The following BCAT1 variants were observed in gnomAD, a reference collection of about 807,000 sequenced individuals.
BCAT1 encodes branched-chain-amino-acid aminotransferase, cytosolic.
BCAT1 carries 48 observed loss-of-function variants against 52.4 expected under a neutral mutation model. The observed-to-expected ratio is 0.92, with a 90% CI of 0.73 to 1.16. BCAT1 has a LOEUF of 1.16. Among genes scored for constraint, BCAT1 ranks in the 50% most tolerant of loss-of-function variants. The probability of loss-of-function intolerance (pLI) is 0.00; values close to 1 mark genes in which losing one functional copy is unlikely to be tolerated. For synonymous variants in BCAT1, 167 were observed against 161.3 expected, an observed-to-expected ratio of 1.04 and a Z score of -0.27; for missense variants, 451 against 457.1, an observed-to-expected ratio of 0.99 and a Z score of 0.12.
intron 2 of BCAT1, among the ~76,000 whole-genome samples, chr12:24,899,754 G>T (rs1591855664): frequency 1.3e-5 from 2 of 150,550 alleles, no homozygotes; most frequent in African/African-American, 4.9e-5. Context: ...AGTCATTATG[G>T]TAAGCGAAAT....
chr12:24,842,272 C>T (rs746125025), intron 6 of BCAT1, 48 bp from the exon 7 acceptor site: 97 of 1,595,176 alleles, frequency 6.1e-5, no homozygotes, highest in Admixed American at 2.0e-4. Context: ...TTCATCCCCA[C>T]TCCCTCATCT....
At chr12:24,948,706 A>G (rs573975119) in intron 1 of BCAT1, among the ~76,000 whole-genome samples, 2 of 152,326 alleles carry the variant, frequency 1.3e-5, no homozygotes, top group South Asian at 4.1e-4. Context: ...AAAGTCCGAG[A>G]AGGCACGTCC....
At chr12:24,887,909 T>G (rs1942729518) in intron 3 of BCAT1, among the ~76,000 whole-genome samples, 1 of 152,182 alleles carries the variant, frequency 6.6e-6, no homozygotes, top group Admixed American at 6.5e-5. Flanking sequence ...AGAAACCACA[T>G]GTAGTTGGAG....
intron 1 of BCAT1, among the ~76,000 whole-genome samples, chr12:24,939,162 C>G (rs532133596): frequency 3.9e-5 from 6 of 152,370 alleles, no homozygotes; most frequent in Non-Finnish European, 7.3e-5. Flanking sequence ...GCATGAGCCA[C>G]TGCACCCAGC....
chr12:24,857,470 G>T (rs1370586995), intron 5 of BCAT1, among the ~76,000 whole-genome samples: 2 of 146,204 alleles, frequency 1.4e-5, no homozygotes, highest in African/African-American at 5.3e-5. Context: ...TAAAAGTGAT[G>T]TCCAAGATTA....
intron 1 of BCAT1, among the ~76,000 whole-genome samples, chr12:24,911,665 G>A (rs7297229): frequency 0.35 from 52,800 of 151,918 alleles, 10,396 homozygotes; most frequent in Non-Finnish European, 0.45. Flanking sequence ...TAGTCTGTGG[G>A]CTCCTGCACT....
intron 1 of BCAT1, among the ~76,000 whole-genome samples, chr12:24,916,602 C>T (rs1473095556): frequency 2.6e-5 from 4 of 152,244 alleles, no homozygotes; most frequent in East Asian, 1.9e-4. Context: ...CGCAGTGGTG[C>T]GATCTCGGCT....
intron 1 of BCAT1, among the ~76,000 whole-genome samples, chr12:24,934,162 C>G (rs992672016): frequency 3.3e-5 from 5 of 152,230 alleles, no homozygotes; most frequent in African/African-American, 1.2e-4. Flanking sequence ...CGTACCCTCA[C>G]TATCTACCTA....
chr12:24,873,769 G>A (rs1458064840), intron 5 of BCAT1, among the ~76,000 whole-genome samples: 1 of 152,144 alleles, frequency 6.6e-6, no homozygotes, highest in Non-Finnish European at 1.5e-5. Flanking sequence ...AAAAGTTTCA[G>A]ATTTTGGAGT....
At chr12:24,871,109 G>T (rs535031679) in intron 5 of BCAT1, among the ~76,000 whole-genome samples, 2 of 150,908 alleles carry the variant, frequency 1.3e-5, no homozygotes, top group African/African-American at 4.9e-5. Flanking sequence ...CACTTCTGAT[G>T]CCAGACGACA....
At chr12:24,926,637 G>A (rs373840675) in intron 1 of BCAT1, among the ~76,000 whole-genome samples, 24,223 of 152,122 alleles carry the variant, frequency 0.16, 2,476 homozygotes, top group Non-Finnish European at 0.22. Flanking sequence ...GCCTTGGGAT[G>A]CTGTTGATCT....
chr12:24,887,080 AATATATAT>A (rs71063368), intron 3 of BCAT1, among the ~76,000 whole-genome samples: 34 of 40,732 alleles, frequency 8.3e-4, no homozygotes, highest in East Asian at 1.5e-3. Context: ...AAAAAAAAAA[AATATATAT>A]ATATATATAT....
chr12:24,811,327 G>T lies in BCAT1; in HGVS notation c.*6681C>A, dbSNP rs530032268. 6.6e-6 allele frequency: 1 copy of T among 152,228 alleles called. No individual in the cohort carries two copies. Among genetic ancestry groups the T allele is most frequent in the Non-Finnish European group, 1.5e-5 (1 of 68,000 alleles). The allele number at this position is 152,228 out of a possible 1,614,324, so 9.4% of individuals were successfully genotyped here. On this transcript the variant is annotated 3_prime_UTR_variant, in exon 11 of 11. Coordinates refer to ENST00000261192, the MANE Select transcript of BCAT1 (RefSeq NM_005504.7). ...TGTTAATTTAGCATTATTACTTCAT[G>T]CATTCAACAATGCTGATTTCATGAA... is the stretch of plus-strand genomic sequence containing the variant.
At chr12:24,914,440 C>T (rs1330062695) in intron 1 of BCAT1, among the ~76,000 whole-genome samples, 2 of 152,138 alleles carry the variant, frequency 1.3e-5, no homozygotes, top group Non-Finnish European at 2.9e-5. Flanking sequence ...CAGGCCGCTC[C>T]AATTAAACGG....
chr12:24,927,924 G>A (rs562333319), intron 1 of BCAT1, among the ~76,000 whole-genome samples: 32 of 152,246 alleles, frequency 2.1e-4, no homozygotes, highest in Middle Eastern at 6.8e-3. Flanking sequence ...ATCCTATTGA[G>A]TTTCCAGTCA....
chr12:24,858,002 C>A (rs1367326649), intron 5 of BCAT1, among the ~76,000 whole-genome samples: 2 of 152,166 alleles, frequency 1.3e-5, no homozygotes, highest in African/African-American at 4.8e-5. Flanking sequence ...AGGGGATGGG[C>A]TGATTCCCTC....
chr12:24,910,079 A>G (rs2139699712), intron 1 of BCAT1, among the ~76,000 whole-genome samples: 1 of 152,302 alleles, frequency 6.6e-6, no homozygotes, highest in African/African-American at 2.4e-5. Flanking sequence ...AGAGATAAAA[A>G]TAAATTATTG....
chr12:24,915,118 CT>C (rs934778406), intron 1 of BCAT1, among the ~76,000 whole-genome samples: 57 of 147,438 alleles, frequency 3.9e-4, no homozygotes, highest in East Asian at 6.0e-4. Flanking sequence ...CATGAAGGCT[CT>C]TTTTTTTTTG....
intron 1 of BCAT1, among the ~76,000 whole-genome samples, chr12:24,919,621 T>C (rs1035039709): frequency 8.5e-5 from 13 of 152,364 alleles, no homozygotes; most frequent in African/African-American, 3.1e-4. Context: ...GACCCTATAA[T>C]ATACCAGTAA....
Sources: gnomAD v4.1 joint callset for allele counts (sites outside exome capture counted in the v4.1 genomes callset) on GRCh38, gnomAD v4.1.1 for gene constraint, MANE v1.5 for transcripts, NCBI Gene and HGNC (gene_info 2026-07-23, HGNC 2026-07-21) for gene names.